GCLC: variants seen among roughly 807,000 people sequenced by gnomAD.
GCLC encodes the protein glutamate-cysteine ligase catalytic subunit, also known as glutamate--cysteine ligase catalytic subunit.
A neutral mutation model predicts 81.5 loss-of-function variants in GCLC; 30 were observed. The ratio of observed to expected loss-of-function variants is 0.37; its 90% confidence interval spans 0.28 to 0.50. The LOEUF (loss-of-function observed/expected upper bound fraction) is 0.50, where lower values mean the gene tolerates loss of function less well. GCLC is among the 20% of genes least tolerant of loss of function. The pLI is 0.96. For missense variants in GCLC, 556 were observed against 777.4 expected, an observed-to-expected ratio of 0.72 and a Z score of 3.39; for synonymous variants, 262 against 273.3, an observed-to-expected ratio of 0.96 and a Z score of 0.41.
In GCLC at chr6:53,507,012, G is replaced by T. The variant is rs755447443; in HGVS notation, c.1098C>A (p.Leu366=). The T allele has an allele frequency of 6.2e-7, 1 of 1,601,406 alleles. No individual in the cohort carries two copies. Among genetic ancestry groups the T allele is most frequent in the Non-Finnish European group, 8.6e-7 (1 of 1,168,512 alleles). Residue 366 remains leucine (L), a synonymous_variant, in exon 10 of 16, where the codon CTC becomes CTA. Coordinates refer to ENST00000650454, the MANE Select transcript of GCLC (RefSeq NM_001498.4). The stretch of plus-strand genomic sequence containing the variant: ...AGAGATGAGCAACATGCTGGGCCAG[G>T]AGATGATCAATGCCTGCAAAAAGAG... ...EQLLQEGIDH[L]LAQHVAHLFI... is the part of the protein sequence containing the mutation.
chr6:53,502,980 CA>C (rs1764541280), intron 12 of GCLC, among the ~76,000 whole-genome samples: 2 of 152,186 alleles, frequency 1.3e-5, no homozygotes, highest in Admixed American at 1.3e-4. Context: ...CTCTAAGTGT[CA>C]AGCACTAATG....
At chr6:53,511,510 A>G (rs564643383) in intron 6 of GCLC, among the ~76,000 whole-genome samples, 1 of 152,314 alleles carries the variant, frequency 6.6e-6, no homozygotes, top group South Asian at 2.1e-4. Context: ...GGCCTAGTAT[A>G]CAATACATAA....
At chr6:53,519,175 A>T (rs1319867315) in intron 3 of GCLC, among the ~76,000 whole-genome samples, 1 of 152,172 alleles carries the variant, frequency 6.6e-6, no homozygotes, top group African/African-American at 2.4e-5. Flanking sequence ...TTAGGAGAAC[A>T]ACTAAAATTT....
chr6:53,521,847 G>A (rs1233757753), intron 2 of GCLC, among the ~76,000 whole-genome samples: 6 of 152,094 alleles, frequency 3.9e-5, no homozygotes, highest in Admixed American at 1.3e-4. Flanking sequence ...GGTGGCGGGC[G>A]CCTGTAGTCC....
chr6:53,512,008 G>A (rs186038354), intron 6 of GCLC, among the ~76,000 whole-genome samples: 3 of 150,528 alleles, frequency 2.0e-5, no homozygotes, highest in Admixed American at 2.0e-4. Context: ...GAATGCAGTG[G>A]CACGATCTTG....
Position 53,506,933 on chromosome 6 carries a change from T to A in GCLC, c.1177A>T (p.Asn393Tyr). Residue 393 changes from asparagine to tyrosine, a missense_variant, in exon 10 of 16, where the codon AAT becomes TAT. Asn to Tyr is a moderately radical substitution (Grantham distance 143, BLOSUM62 -2). Around this residue, in one of 3 missense-constraint regions of GCLC, gnomAD observed 313 missense variants for 437.3 expected, o/e 0.72. Coordinates refer to ENST00000650454, the MANE Select transcript of GCLC (RefSeq NM_001498.4). This position sits in a 1 kb window ranked among gnomAD's most constrained non-coding sequence, Gnocchi z 4.0. The part of the protein sequence containing the change: ...FEEKIHLDDA[N>Y]ESDHFENIQS... ...GATACCTCAAAATGGTCAGACTCAT[T>A]AGCATCATCCAGGTGTATTTTCTCT... 1.3e-6 allele frequency: 2 copies of A among 1,578,170 alleles called. No individual in the cohort carries two copies. Among genetic ancestry groups the A allele is most frequent in the Non-Finnish European group, 1.7e-6 (2 of 1,147,168 alleles).
In GCLC at chr6:53,515,471, A is replaced by G. The variant is rs742529; in HGVS notation, c.560+638T>C. Among the ~76,000 whole-genome samples the G allele has an allele frequency of 0.016, 2,367 of 152,380 alleles. 101 individuals are homozygous for G. In the East Asian group the frequency reaches 0.17, roughly 11 times the overall value. ...CTGTCTTCCCCAAAAGGCTCTGCACATAGCAAACGTGAGGGCCTGTTAAAG... is the reference window on the plus strand; with the variant it reads ...CTGTCTTCCCCAAAAGGCTCTGCACGTAGCAAACGTGAGGGCCTGTTAAAG... On this transcript the variant is annotated intron_variant, in intron 4 of 15. Coordinates refer to ENST00000650454, the MANE Select transcript of GCLC (RefSeq NM_001498.4).
Position 53,544,755 on chromosome 6 carries a change from C to G in GCLC, c.-110G>C. 9.0e-7 allele frequency: 1 copy of G among 1,109,100 alleles called. No homozygotes were observed. Among genetic ancestry groups the G allele is most frequent in the South Asian group, 1.7e-5 (1 of 60,606 alleles). 68.7% of individuals were successfully genotyped at this position (1,109,100 alleles called of 1,614,324 possible). A position where few individuals can be genotyped will look rare whatever the true frequency, so the allele number is the denominator to read the frequency against. On this transcript the variant is annotated 5_prime_UTR_variant, in exon 1 of 16. Coordinates refer to ENST00000650454, the MANE Select transcript of GCLC (RefSeq NM_001498.4). ...AGAAGGCGGCTGCCGCTCCACCCCG[C>G]GGGGGCGCTCTCGGGCCGCAGTCGG...
chr6:53,524,113 T>C (rs1431768133), intron 1 of GCLC, among the ~76,000 whole-genome samples: 1 of 152,202 alleles, frequency 6.6e-6, no homozygotes, highest in Non-Finnish European at 1.5e-5. Context: ...AAGATACAAG[T>C]TAATCTTTAA....
At chr6:53,538,689 T>C (rs1332168847) in intron 1 of GCLC, among the ~76,000 whole-genome samples, 1 of 152,082 alleles carries the variant, frequency 6.6e-6, no homozygotes, top group East Asian at 1.9e-4. Flanking sequence ...CCTTAATAAA[T>C]CTCATCTCTG....
chr6:53,521,322 T>C (rs532714437), intron 2 of GCLC, among the ~76,000 whole-genome samples: 2 of 152,120 alleles, frequency 1.3e-5, no homozygotes, highest in South Asian at 4.1e-4. Context: ...ACCTGGCTAA[T>C]TTTTGTATTT....
At chr6:53,529,281 G>C (rs531265293) in intron 1 of GCLC, among the ~76,000 whole-genome samples, 3 of 152,066 alleles carry the variant, frequency 2.0e-5, no homozygotes, top group African/African-American at 4.8e-5. Context: ...CATGCTCCAC[G>C]GATGCATGAG....
intron 6 of GCLC, among the ~76,000 whole-genome samples, chr6:53,511,978 T>G (rs925789073): frequency 3.8e-4 from 56 of 145,950 alleles, no homozygotes; most frequent in Non-Finnish European, 7.2e-4. Flanking sequence ...AGACAAAGAC[T>G]TGCTCTGTTC....
rs1462744232 is a variant in GCLC, at chr6:53,544,552, G to A, written c.94C>T (p.His32Tyr). ...VRRHGILQFL[H>Y]IYHAVKDRHK... ...CGGTCCTTGACGGCGTGGTAGATGT[G>A]CAGGAACTGGAGGATCCCGTGCCGC... Residue 32 changes from histidine to tyrosine, a missense_variant, in exon 1 of 16, where the codon CAC becomes TAC. Physicochemically the swap from His to Tyr is moderately conservative, Grantham distance 83. This residue lies in a region of GCLC where 234 missense variants were observed against 303.8 expected (regional missense o/e 0.77). Coordinates refer to ENST00000650454, the MANE Select transcript of GCLC (RefSeq NM_001498.4). 6 of 1,608,512 alleles carry A rather than the reference G, an allele frequency of 3.7e-6. No homozygotes were observed. In the African/African-American group the frequency reaches 6.7e-5, roughly 18 times the overall value.
rs1764391253 is a variant in GCLC at position 53,497,450 on chromosome 6, A to T, written c.*1306T>A. ...CACAAGCAAATTGCAAACGAAAACCAGGCATTCTTTAATCATCCAAAATGC... is the reference window on the plus strand; with the variant it reads ...CACAAGCAAATTGCAAACGAAAACCTGGCATTCTTTAATCATCCAAAATGC... On this transcript the variant is annotated 3_prime_UTR_variant, in exon 16 of 16. Coordinates refer to ENST00000650454, the MANE Select transcript of GCLC (RefSeq NM_001498.4). 6.6e-6 allele frequency: 1 copy of T among 152,238 alleles called. No individual in the cohort carries two copies. Among genetic ancestry groups the T allele is most frequent in the African/African-American group, 2.4e-5 (1 of 41,474 alleles). 9.4% of individuals were successfully genotyped at this position (152,238 alleles called of 1,614,324 possible).
At chr6:53,542,705 G>A (rs1006876078) in intron 1 of GCLC, among the ~76,000 whole-genome samples, 5 of 152,116 alleles carry the variant, frequency 3.3e-5, no homozygotes, top group African/African-American at 1.2e-4. Context: ...TTTGTAGAGA[G>A]ACCTAGTTAA....
chr6:53,520,182 A>G (rs978683737), intron 3 of GCLC, among the ~76,000 whole-genome samples: 2 of 152,222 alleles, frequency 1.3e-5, no homozygotes, highest in Non-Finnish European at 2.9e-5. Context: ...TTCACTATTT[A>G]CTTTTATGTA....
At chr6:53,536,287 T>G (rs1256281703) in intron 1 of GCLC, among the ~76,000 whole-genome samples, 1 of 152,094 alleles carries the variant, frequency 6.6e-6, no homozygotes, top group Non-Finnish European at 1.5e-5. Flanking sequence ...AGAAAGCAAA[T>G]CAGCTGCATG....
At chr6:53,519,201 T>C (rs1163030210) in intron 3 of GCLC, among the ~76,000 whole-genome samples, 5 of 152,248 alleles carry the variant, frequency 3.3e-5, no homozygotes, top group Admixed American at 6.5e-5. Context: ...TAACCTGACC[T>C]GGCCTGCCAA....
Sources: allele counts gnomAD v4.1 joint callset (sites outside exome capture counted in the v4.1 genomes callset), GRCh38; gene constraint gnomAD v4.1.1; regional missense constraint gnomAD v4.1.1; non-coding constraint Gnocchi (gnomAD v3.1); transcripts MANE v1.5; gene names NCBI Gene and HGNC (gene_info 2026-07-23, HGNC 2026-07-21).